The following PCDHGA6 variants were observed in gnomAD, a reference collection of about 807,000 sequenced individuals.
The protein encoded by PCDHGA6 is protocadherin gamma subfamily A, 6, also known as protocadherin gamma-A6.
A neutral mutation model predicts 60.6 loss-of-function variants in PCDHGA6; 41 were observed. The observed-to-expected ratio is 0.68, with a 90% CI of 0.53 to 0.88. The LOEUF is 0.88. PCDHGA6 is among the 40% of genes least tolerant of loss of function. PCDHGA6 has a pLI of 0.00. For missense variants in PCDHGA6, 1,312 were observed against 1,203.0 expected, an observed-to-expected ratio of 1.09 and a Z score of -1.34; for synonymous variants, 594 against 524.4, an observed-to-expected ratio of 1.13 and a Z score of -1.81.
At chr5:141,435,008 A>G (rs961813777) in intron 1 of PCDHGA6, among the ~76,000 whole-genome samples, 3 of 152,130 alleles carry the variant, frequency 2.0e-5, no homozygotes, top group African/African-American at 7.2e-5. Context: ...GAATTTATCA[A>G]TGATAATGCT....
intron 1 of PCDHGA6, chr5:141,400,317 G>A: frequency 6.2e-7 from 1 of 1,614,078 alleles, no homozygotes; most frequent in Middle Eastern, 1.6e-4. Flanking sequence ...TCTGTGTCAA[G>A]TCTGGACCTG....
At chr5:141,389,538 G>C (rs772693461) in intron 1 of PCDHGA6, 1 of 1,613,186 alleles carries the variant, frequency 6.2e-7, no homozygotes, top group African/African-American at 1.3e-5. Flanking sequence ...GTTAGTGGAC[G>C]ACCGCAACGA....
rs909255357 is a variant in PCDHGA6 at position 141,489,178 on chromosome 5, C to A, written c.2425-5629C>A. 5 of 1,234,744 alleles carry A rather than the reference C, an allele frequency of 4.0e-6. No individual in the cohort carries two copies. The highest frequency in any genetic ancestry group is 2.3e-5 in the Admixed American group (1 of 42,922). The allele number at this position is 1,234,744 out of a possible 1,614,324, so 76.5% of individuals were successfully genotyped here. Reference sequence around the variant, plus strand: ...GAGACTTCAGCTGCTGCATTCCAAGCCCTGGGTCTACCTTGGAGACAGGAC... The same window carrying A: ...GAGACTTCAGCTGCTGCATTCCAAGACCTGGGTCTACCTTGGAGACAGGAC... On this transcript the variant is annotated intron_variant, in intron 1 of 3. Transcript: ENST00000517434. This position sits in a 1 kb window ranked among gnomAD's most constrained non-coding sequence, Gnocchi z 4.5.
At chr5:141,413,531 A>G (rs1472068242) in intron 1 of PCDHGA6, 6 of 1,613,818 alleles carry the variant, frequency 3.7e-6, no homozygotes, top group Non-Finnish European at 5.1e-6. Flanking sequence ...GACAGGGTGA[A>G]ACTTTTTGGG....
rs1007318194 is a variant in PCDHGA6, at chr5:141,512,035, T to G, written c.*862T>G. On this transcript the variant is annotated 3_prime_UTR_variant, in exon 4 of 4. Coordinates refer to ENST00000517434, the MANE Select transcript of PCDHGA6 (RefSeq NM_018919.3). ...AAGTTATCAAGGCCTTGGAGGAGGC[T>G]CTGTATGTCCTCAGGGGACTGACAA... 1.3e-5 allele frequency: 2 copies of G among 152,870 alleles called. No individual in the cohort carries two copies. Among genetic ancestry groups the G allele is most frequent in the African/African-American group, 4.8e-5 (2 of 41,464 alleles). The allele number at this position is 152,870 out of a possible 1,614,324, so 9.5% of individuals were successfully genotyped here.
At chr5:141,415,450 C>A (rs774745130) in intron 1 of PCDHGA6, 44 of 1,614,086 alleles carry the variant, frequency 2.7e-5, no homozygotes, top group Non-Finnish European at 3.4e-5. Context: ...GACCTATTCC[C>A]ACGAGGTCTC....
chr5:141,421,233 G>T (rs201076931), intron 1 of PCDHGA6: 2 of 1,592,240 alleles, frequency 1.3e-6, no homozygotes, highest in Non-Finnish European at 1.7e-6. Flanking sequence ...CTGCCATGGC[G>T]AATCGGCTAC....
intron 1 of PCDHGA6, chr5:141,410,087 G>C (rs1427716409): frequency 6.2e-7 from 1 of 1,612,364 alleles, no homozygotes; most frequent in Admixed American, 1.7e-5. Context: ...GGTGCGCACG[G>C]CTCGAGCCTT....
rs3763123 is a variant in PCDHGA6 at position 141,385,542 on chromosome 5, A to C, written c.2424+9035A>C. On this transcript the variant is annotated intron_variant, in intron 1 of 3. Coordinates refer to ENST00000517434, the MANE Select transcript of PCDHGA6 (RefSeq NM_018919.3). Reference sequence around the variant, plus strand: ...TATGGACAAGATTATGAATATGTGGACTATCACATTTTATAATTTCCACCT... The same window carrying C: ...TATGGACAAGATTATGAATATGTGGCCTATCACATTTTATAATTTCCACCT... 2.0e-3 allele frequency: 2,591 copies of C among 1,327,546 alleles called. 44 individuals carry two copies. The African/African-American group carries it at 0.033, about 17-fold the overall frequency. The allele number at this position is 1,327,546 out of a possible 1,614,324, so 82.2% of individuals were successfully genotyped here. A position where few individuals can be genotyped will look rare whatever the true frequency, so the allele number is the denominator to read the frequency against.
At chr5:141,383,007 G>T (rs1047921009) in intron 1 of PCDHGA6, 1 of 1,613,748 alleles carries the variant, frequency 6.2e-7, no homozygotes, top group Admixed American at 1.7e-5. Context: ...ACTCCGTGTC[G>T]GAGGAGACGG....
chr5:141,503,136 A>G (rs1352550702), intron 2 of PCDHGA6, among the ~76,000 whole-genome samples: 5 of 151,846 alleles, frequency 3.3e-5, no homozygotes, highest in Admixed American at 2.0e-4. Context: ...GTAGCCCCTG[A>G]CACAGCCCAT....
chr5:141,384,281 T>A, intron 1 of PCDHGA6: 2 of 1,613,774 alleles, frequency 1.2e-6, no homozygotes, highest in Non-Finnish European at 1.7e-6. Flanking sequence ...TCAGTCTACA[T>A]CGCTGAGAAC....
At position 141,487,710 on chromosome 5, in the gene PCDHGA6, G is replaced by A. The variant is rs199722860; in HGVS notation, c.2425-7097G>A. ...CTAGAGAGTACTGGCCTCTCAGTAA[G>A]TGCCCATAGTGATGTCACCATTTTT... On this transcript the variant is annotated intron_variant, in intron 1 of 3. Transcript: ENST00000517434. The surrounding 1 kb of genome is among the most constrained non-coding windows in gnomAD (Gnocchi z 5.0). 3.8e-4 allele frequency: 596 copies of A among 1,586,168 alleles called. No individual in the cohort carries two copies. The highest frequency in any genetic ancestry group is 4.5e-4 in the Non-Finnish European group (529 of 1,164,386).
chr5:141,475,951 G>A, intron 1 of PCDHGA6: 4 of 766,902 alleles, frequency 5.2e-6, no homozygotes, highest in South Asian at 1.9e-5. Flanking sequence ...CCCTTTCTGC[G>A]CCCCGGGATG....
chr5:141,379,819 A>T (rs1775847622), intron 1 of PCDHGA6, among the ~76,000 whole-genome samples: 1 of 150,144 alleles, frequency 6.7e-6, no homozygotes, highest in African/African-American at 2.4e-5. Context: ...TCAGTATAGA[A>T]TTTTGAAGCA....
At chr5:141,383,688 G>A (rs1246896425) in intron 1 of PCDHGA6, 6 of 1,614,008 alleles carry the variant, frequency 3.7e-6, no homozygotes, top group Non-Finnish European at 5.1e-6. Context: ...GACTGCTCAC[G>A]GTACATGCTA....
chr5:141,405,459 A>G (rs553327050), intron 1 of PCDHGA6: 1 of 1,229,452 alleles, frequency 8.1e-7, no homozygotes, highest in African/African-American at 1.5e-5. Context: ...TTACTCTGTT[A>G]CCCAGGCTGG....
chr5:141,377,638 G>T (rs1588842725), intron 1 of PCDHGA6: 1 of 151,416 alleles, frequency 6.6e-6, no homozygotes, highest in East Asian at 1.9e-4. Flanking sequence ...TTTTCTCAGT[G>T]TTACTTGATA....
chr5:141,399,584 C>A (rs765946308), intron 1 of PCDHGA6: 34 of 1,613,904 alleles, frequency 2.1e-5, no homozygotes, highest in Non-Finnish European at 2.6e-5. Context: ...GTCTCCTACT[C>A]TATCATGGCC....
Sources: gnomAD v4.1 joint callset for allele counts (sites outside exome capture counted in the v4.1 genomes callset) on GRCh38, gnomAD v4.1.1 for gene constraint, Gnocchi (gnomAD v3.1) non-coding constraint, MANE v1.5 for transcripts, NCBI Gene and HGNC (gene_info 2026-07-23, HGNC 2026-07-21) for gene names.